The following PPARGC1B variants were observed in gnomAD, a reference collection of about 807,000 sequenced individuals.
The protein encoded by PPARGC1B is peroxisome proliferator-activated receptor gamma coactivator 1-beta.
Under a neutral mutation model 101.6 loss-of-function variants are expected in PPARGC1B, and 34 were observed. The ratio of observed to expected loss-of-function variants is 0.33; its 90% confidence interval spans 0.25 to 0.45. PPARGC1B has a LOEUF of 0.45. PPARGC1B is among the 20% of genes least tolerant of loss of function. PPARGC1B has a pLI of 1.00. For synonymous variants in PPARGC1B, 548 were observed against 539.3 expected, an observed-to-expected ratio of 1.02 and a Z score of -0.22; for missense variants, 1,234 against 1,317.6, an observed-to-expected ratio of 0.94 and a Z score of 0.98.
In PPARGC1B at chr5:149,817,207, A is replaced by T. The variant is rs375366493; in HGVS notation, c.79-3226A>T. Among the ~76,000 whole-genome samples, 16 of 152,228 alleles carry T rather than the reference A, an allele frequency of 1.1e-4. No homozygotes were observed. The East Asian group carries it at 1.2e-3, about 11-fold the overall frequency. On this transcript the variant is annotated intron_variant, in intron 1 of 11. Coordinates refer to ENST00000309241, the MANE Select transcript of PPARGC1B (RefSeq NM_133263.4). ...TTTCCTGACATTCCATCTGATTTAGATTCTGGGCTGGGCACAGTGGCTGAC... is the reference window on the plus strand; with the variant it reads ...TTTCCTGACATTCCATCTGATTTAGTTTCTGGGCTGGGCACAGTGGCTGAC...
chr5:149,831,786 G>A (rs572354432), intron 4 of PPARGC1B, among the ~76,000 whole-genome samples: 26 of 152,318 alleles, frequency 1.7e-4, no homozygotes, highest in African/African-American at 3.6e-4. Context: ...CAAGCGGGGC[G>A]AATAAGACTG....
At chr5:149,815,470 A>T (rs975651435) in intron 1 of PPARGC1B, among the ~76,000 whole-genome samples, 8 of 152,158 alleles carry the variant, frequency 5.3e-5, no homozygotes, top group African/African-American at 1.4e-4. Flanking sequence ...AGACACCCTA[A>T]TCTCAGACTT....
At chr5:149,750,491 T>TATATA (rs1310284744) in intron 1 of PPARGC1B, among the ~76,000 whole-genome samples, 11 of 139,346 alleles carry the variant, frequency 7.9e-5, no homozygotes, top group East Asian at 4.3e-4. Context: ...TATATATATG[T>TATATA]TAATAGGGGA....
intron 2 of PPARGC1B, among the ~76,000 whole-genome samples, chr5:149,824,864 G>A (rs548124318): frequency 6.6e-6 from 1 of 152,290 alleles, no homozygotes; most frequent in African/African-American, 2.4e-5. Flanking sequence ...TCTTAGCTCT[G>A]TTCTAAAAAT....
In PPARGC1B at chr5:149,840,110, G is replaced by A; in HGVS notation, c.2688G>A (p.Lys896=). ...SIRHARKRRE[K]AIGEGRVVYI... ...GGCACGCCAGGAAGCGGCGGGAAAAGGCCATTGTAAGTGATCTGGGGGCCC... is the reference window on the plus strand; with the variant it reads ...GGCACGCCAGGAAGCGGCGGGAAAAAGCCATTGTAAGTGATCTGGGGGCCC... Residue 896 remains lysine, a synonymous_variant, in exon 9 of 12, where the codon AAG becomes AAA. Transcript: ENST00000309241. 1 of 1,612,422 alleles carries A rather than the reference G, an allele frequency of 6.2e-7. No homozygotes were observed. The highest frequency in any genetic ancestry group is 8.5e-7 in the Non-Finnish European group (1 of 1,179,208).
At chr5:149,731,393 C>T (rs928540868) in intron 1 of PPARGC1B, among the ~76,000 whole-genome samples, 1 of 152,178 alleles carries the variant, frequency 6.6e-6, no homozygotes, top group Non-Finnish European at 1.5e-5. Flanking sequence ...TAAAGTTTGG[C>T]TCCAGAGTTA....
chr5:149,823,384 G>A (rs763620952), intron 2 of PPARGC1B, among the ~76,000 whole-genome samples: 25 of 152,062 alleles, frequency 1.6e-4, no homozygotes, highest in Non-Finnish European at 3.4e-4. Flanking sequence ...GGATAGTAGC[G>A]ATCTCTGATA....
chr5:149,767,774 A>G (rs1215884012), intron 1 of PPARGC1B, among the ~76,000 whole-genome samples: 1 of 149,594 alleles, frequency 6.7e-6, no homozygotes, highest in African/African-American at 2.5e-5. Flanking sequence ...GCGGTCTCCA[A>G]CTTTTTTGGC....
intron 2 of PPARGC1B, 21 bp from the exon 3 acceptor site, chr5:149,826,652 C>T: frequency 1.2e-6 from 2 of 1,600,408 alleles, no homozygotes; most frequent in Non-Finnish European, 8.6e-7. Flanking sequence ...CTTTCTGACC[C>T]TCCCGCCCTC....
intron 1 of PPARGC1B, chr5:149,761,584 T>C (rs1755720250): frequency 6.6e-6 from 1 of 152,158 alleles, no homozygotes; most frequent in Admixed American, 6.5e-5. Context: ...TAAGTGTTTG[T>C]TGACAGATGA....
At chr5:149,769,907 T>A (rs1434321399) in intron 1 of PPARGC1B, among the ~76,000 whole-genome samples, 2 of 152,136 alleles carry the variant, frequency 1.3e-5, no homozygotes, top group Admixed American at 1.3e-4. Context: ...CCCACCCAGG[T>A]CATCCGGGGT....
intron 1 of PPARGC1B, among the ~76,000 whole-genome samples, chr5:149,794,155 G>T (rs1431344316): frequency 2.6e-5 from 4 of 152,196 alleles, no homozygotes; most frequent in African/African-American, 9.6e-5. Flanking sequence ...GAGCTATCAA[G>T]AAAGGGTTAA....
intron 3 of PPARGC1B, 140 bp downstream of exon 3, chr5:149,827,025 C>A (rs773464347): frequency 2.8e-6 from 2 of 703,608 alleles, no homozygotes; most frequent in East Asian, 2.7e-5. Context: ...CAGCAGAGAG[C>A]GTGGGCCGAA....
intron 1 of PPARGC1B, among the ~76,000 whole-genome samples, chr5:149,755,052 C>CATATACATATATATATATATATAT (rs1360005539): frequency 3.7e-5 from 4 of 108,956 alleles, no homozygotes; most frequent in African/African-American, 1.1e-4. Flanking sequence ...TATACATATA[C>CATATACATATATATATATATATAT]ATATATATAT....
rs766958478 is a variant in PPARGC1B at position 149,826,666 on chromosome 5, A to T, written c.253-7A>T. 6.2e-7 allele frequency: 1 copy of T among 1,612,098 alleles called. No homozygotes were observed. The highest frequency in any genetic ancestry group is 1.3e-5 in the African/African-American group (1 of 74,924). On this transcript the variant is annotated splice_region_variant and splice_polypyrimidine_tract_variant and intron_variant, in intron 2 of 11. Transcript: ENST00000309241. The stretch of plus-strand genomic sequence containing the variant: ...CCTTTCTGACCCTCCCGCCCTCCTC[A>T]CTCCAGATTGACAGTGAGAATGAGG...
Position 149,847,856 on chromosome 5 carries a change from C to T in PPARGC1B, c.*298C>T, listed in dbSNP as rs1351580285. 7.3e-6 allele frequency: 3 copies of T among 409,480 alleles called. No individual in the cohort carries two copies. Among genetic ancestry groups the T allele is most frequent in the African/African-American group, 5.9e-5 (3 of 50,640 alleles). 25.4% of individuals were successfully genotyped at this position (409,480 alleles called of 1,614,324 possible). A position where few individuals can be genotyped will look rare whatever the true frequency, so the allele number is the denominator to read the frequency against. ...AGTGCCGGGTCCGTCACCCATCGCCCCTTCCTTCCCGACTGACTTCCTCTC... is the reference window on the plus strand; with the variant it reads ...AGTGCCGGGTCCGTCACCCATCGCCTCTTCCTTCCCGACTGACTTCCTCTC... On this transcript the variant is annotated 3_prime_UTR_variant, in exon 12 of 12. Transcript: ENST00000309241.
chr5:149,747,009 A>G (rs1250742349), intron 1 of PPARGC1B, among the ~76,000 whole-genome samples: 1 of 152,252 alleles, frequency 6.6e-6, no homozygotes, highest in Non-Finnish European at 1.5e-5. Flanking sequence ...ATCTCATCAG[A>G]TATGATTTGC....
rs1167255838 is a variant in PPARGC1B, at chr5:149,837,430, T to C, written c.2618+357T>C. Among the ~76,000 whole-genome samples the C allele has an allele frequency of 6.6e-6, 1 of 152,252 alleles. No individual in the cohort carries two copies. Among genetic ancestry groups the C allele is most frequent in the African/African-American group, 2.4e-5 (1 of 41,464 alleles). On this transcript the variant is annotated intron_variant, in intron 8 of 11. Transcript: ENST00000309241. This position sits in a 1 kb window ranked among gnomAD's most constrained non-coding sequence, Gnocchi z 4.2. ...TATGTTTGTAAAATGGATAAGTTTT[T>C]GTGCAAACATACCTGCCCCAACAGT...
At chr5:149,824,139 G>A (rs1418987956) in intron 2 of PPARGC1B, among the ~76,000 whole-genome samples, 1 of 152,224 alleles carries the variant, frequency 6.6e-6, no homozygotes, top group Non-Finnish European at 1.5e-5. Flanking sequence ...GCAGTAGCGT[G>A]TGCGCCACGC....
Sources: gnomAD v4.1 joint callset for allele counts (sites outside exome capture counted in the v4.1 genomes callset) on GRCh38, gnomAD v4.1.1 for gene constraint, Gnocchi (gnomAD v3.1) non-coding constraint, MANE v1.5 for transcripts, NCBI Gene and HGNC (gene_info 2026-07-23, HGNC 2026-07-21) for gene names.